The following PRIMA1 variants were observed in gnomAD, a reference collection of about 807,000 sequenced individuals.
PRIMA1 encodes proline rich membrane anchor 1, also known as proline-rich membrane anchor 1.
PRIMA1 carries 7 observed loss-of-function variants against 17.5 expected under a neutral mutation model. The ratio of observed to expected loss-of-function variants is 0.40; its 90% CI spans 0.23 to 0.75. The LOEUF (loss-of-function observed/expected upper bound fraction) is 0.75, where lower values mean the gene tolerates loss of function less well. Among genes scored for constraint, PRIMA1 ranks in the 30% least tolerant of loss-of-function variants. The pLI, the probability that PRIMA1 is intolerant of heterozygous loss-of-function variation, is 0.37. For synonymous variants in PRIMA1, 97 were observed against 77.9 expected, an observed-to-expected ratio of 1.25 and a Z score of -1.29; for missense variants, 200 against 201.8, an observed-to-expected ratio of 0.99 and a Z score of 0.05.
At chr14:93,775,398 A>G (rs758247309) in intron 3 of PRIMA1, among the ~76,000 whole-genome samples, 52 of 152,348 alleles carry the variant, frequency 3.4e-4, no homozygotes, top group Non-Finnish European at 6.9e-4. Flanking sequence ...GTGAGAGCTG[A>G]GGCTCCACAG....
intron 4 of PRIMA1, chr14:93,725,842 CG>C (rs1413286302): frequency 4.7e-6 from 2 of 426,348 alleles, no homozygotes; most frequent in Middle Eastern, 3.4e-4. Context: ...CTACCTAACG[CG>C]TGCCCCGTGG....
intron 4 of PRIMA1, among the ~76,000 whole-genome samples, chr14:93,730,368 C>T (rs2076106403): frequency 6.6e-6 from 1 of 152,232 alleles, no homozygotes; most frequent in South Asian, 2.1e-4. Context: ...CTATACTCGT[C>T]CAGGATGACA....
At chr14:93,786,974 G>T (rs1167894921) in intron 2 of PRIMA1, among the ~76,000 whole-genome samples, 1 of 152,170 alleles carries the variant, frequency 6.6e-6, no homozygotes, top group Non-Finnish European at 1.5e-5. Context: ...AGCTGACATC[G>T]AAGTCCACCT....
intron 3 of PRIMA1, among the ~76,000 whole-genome samples, chr14:93,771,109 C>T (rs2145473): frequency 0.9 from 136,381 of 151,508 alleles, 62,050 homozygotes; most frequent in Non-Finnish European, 0.96. Flanking sequence ...TGCATGTACG[C>T]GTGTGCATGT....
intron 3 of PRIMA1, among the ~76,000 whole-genome samples, chr14:93,757,490 T>G (rs956221468): frequency 2.0e-5 from 3 of 152,252 alleles, no homozygotes; most frequent in African/African-American, 7.2e-5. Context: ...GACCAGAATG[T>G]TCTCAGAGAT....
chr14:93,781,581 G>A (rs2141195746), intron 2 of PRIMA1, among the ~76,000 whole-genome samples: 1 of 152,338 alleles, frequency 6.6e-6, no homozygotes, highest in Middle Eastern at 3.4e-3. Flanking sequence ...TTTTGTGAGA[G>A]GATATGAAGG....
chr14:93,722,960 G>A (rs76460195), intron 4 of PRIMA1, among the ~76,000 whole-genome samples: 22 of 152,128 alleles, frequency 1.4e-4, no homozygotes, highest in South Asian at 1.0e-3. Context: ...TTTTTCCTAC[G>A]CATATAAGGG....
At position 93,779,205 on chromosome 14, in the gene PRIMA1, G is replaced by A. The variant is rs1440739420; in HGVS notation, c.200C>T (p.Pro67Leu). The change falls in exon 3 of 5, where the codon CCG becomes CTG. Residue 67 changes from proline to leucine, a missense_variant. Transcript: ENST00000393140. ...PPPLPPPPPP[P>L]PPPRLLSAPA... ...GGCGGAGAGGAGTCTGGGAGGTGGC[G>A]GGGGTGGGGGCGGCGGGGGCAGCGG... 5 of 1,359,578 alleles carry A rather than the reference G, an allele frequency of 3.7e-6. No individual in the cohort carries two copies. Among genetic ancestry groups the A allele is most frequent in the African/African-American group, 1.6e-5 (1 of 63,486 alleles). 84.2% of individuals were successfully genotyped at this position (1,359,578 alleles called of 1,614,324 possible).
intron 3 of PRIMA1, among the ~76,000 whole-genome samples, chr14:93,744,404 G>A (rs1489013928): frequency 3.3e-5 from 5 of 152,390 alleles, no homozygotes; most frequent in East Asian, 3.9e-4. Context: ...GTGCCCTTGC[G>A]GAGGCCGGTG....
chr14:93,753,658 A>G (rs1459765803), intron 3 of PRIMA1, among the ~76,000 whole-genome samples: 1 of 152,188 alleles, frequency 6.6e-6, no homozygotes, highest in African/African-American at 2.4e-5. Context: ...TTTCCCAGGC[A>G]GAAGGCCCGA....
At chr14:93,722,351 ATGGTGGTAGTGGTGATG>A (rs2076044816) in intron 4 of PRIMA1, among the ~76,000 whole-genome samples, 1 of 3,710 alleles carries the variant, frequency 2.7e-4, no homozygotes, top group African/African-American at 8.2e-4. Context: ...TAATGGGGTG[ATGGTGGTAGTGGTGATG>A]CTGGTGGTAA....
At chr14:93,781,537 C>T (rs980946429) in intron 2 of PRIMA1, among the ~76,000 whole-genome samples, 2 of 152,186 alleles carry the variant, frequency 1.3e-5, no homozygotes, top group African/African-American at 4.8e-5. Context: ...AAGAGAAGCA[C>T]GTTTGTTTAA....
chr14:93,720,878 C>T lies in PRIMA1; in HGVS notation c.*566G>A, dbSNP rs1055232907. 1 of 153,086 alleles carries T rather than the reference C, an allele frequency of 6.5e-6. No individual in the cohort carries two copies. The highest frequency in any genetic ancestry group is 6.5e-5 in the Admixed American group (1 of 15,378). The allele number at this position is 153,086 out of a possible 1,614,324, so 9.5% of individuals were successfully genotyped here. ...GTCAGTGGGGATAGGAGGGAGAAGG[C>T]AGGCCCTGAAGATTGACAACAACTG... is the stretch of plus-strand genomic sequence containing the variant. On this transcript the variant is annotated 3_prime_UTR_variant, in exon 5 of 5. Coordinates refer to ENST00000393140, the MANE Select transcript of PRIMA1 (RefSeq NM_178013.4).
intron 4 of PRIMA1, among the ~76,000 whole-genome samples, chr14:93,725,111 G>A (rs2141150365): frequency 6.6e-6 from 1 of 152,302 alleles, no homozygotes. Context: ...AAGGCAGGGT[G>A]AGGAGGGGGC....
intron 4 of PRIMA1, among the ~76,000 whole-genome samples, chr14:93,724,485 C>A (rs943895677): frequency 1.3e-5 from 2 of 152,148 alleles, no homozygotes; most frequent in African/African-American, 4.8e-5. Flanking sequence ...CATCCCCGTT[C>A]CTGTCCTACC....
At chr14:93,724,927 T>A (rs1367220537) in intron 4 of PRIMA1, among the ~76,000 whole-genome samples, 2 of 152,166 alleles carry the variant, frequency 1.3e-5, no homozygotes, top group Non-Finnish European at 2.9e-5. Flanking sequence ...GCTCAAGGTT[T>A]CCACCCTTTT....
rs1045447513 is a variant in PRIMA1, at chr14:93,726,803, T to C, written c.360-5257A>G. Among the ~76,000 whole-genome samples the C allele has an allele frequency of 6.6e-6, 1 of 151,864 alleles. No homozygotes were observed. The highest frequency in any genetic ancestry group is 2.4e-5 in the African/African-American group (1 of 41,358). Reference sequence around the variant, plus strand: ...CAAACAATATACACATACACACATGTACTTCAACACACACACAATATACAC... The same window carrying C: ...CAAACAATATACACATACACACATGCACTTCAACACACACACAATATACAC... On this transcript the variant is annotated intron_variant, in intron 4 of 4. Coordinates refer to ENST00000393140, the MANE Select transcript of PRIMA1 (RefSeq NM_178013.4). The surrounding 1 kb of genome is among the most constrained non-coding windows in gnomAD (Gnocchi z 4.2).
At chr14:93,761,411 A>C (rs915351287) in intron 3 of PRIMA1, among the ~76,000 whole-genome samples, 1 of 152,152 alleles carries the variant, frequency 6.6e-6, no homozygotes. Context: ...AAAGCCCTGC[A>C]TGATTTTGGG....
intron 3 of PRIMA1, among the ~76,000 whole-genome samples, chr14:93,748,344 T>A (rs1197704924): frequency 6.6e-6 from 1 of 152,056 alleles, no homozygotes; most frequent in African/African-American, 2.4e-5. Flanking sequence ...GACGGCTGCA[T>A]AGACACAAAG....
Sources: gnomAD v4.1 joint callset for allele counts (sites outside exome capture counted in the v4.1 genomes callset) on GRCh38, gnomAD v4.1.1 for gene constraint, Gnocchi (gnomAD v3.1) non-coding constraint, MANE v1.5 for transcripts, NCBI Gene and HGNC (gene_info 2026-07-23, HGNC 2026-07-21) for gene names.